The following SPATS2L variants were observed in gnomAD, a reference collection of about 807,000 sequenced individuals.
The protein encoded by SPATS2L is SPATS2-like protein.
A neutral mutation model predicts 59.6 loss-of-function variants in SPATS2L; 30 were observed. The ratio of observed to expected loss-of-function variants is 0.50; its 90% CI spans 0.38 to 0.68. The LOEUF (loss-of-function observed/expected upper bound fraction) is 0.68. Among genes scored for constraint, SPATS2L ranks in the 30% least tolerant of loss-of-function variants. SPATS2L has a pLI of 0.00. For missense variants in SPATS2L, 615 were observed against 700.0 expected (o/e 0.88, Z 1.37); for synonymous variants, 252 against 263.5 (o/e 0.96, Z 0.42).
At chr2:200,356,331 G>T (rs1374977687) in intron 2 of SPATS2L, among the ~76,000 whole-genome samples, 3 of 152,126 alleles carry the variant, frequency 2.0e-5, no homozygotes, top group African/African-American at 7.2e-5. Flanking sequence ...AAACAGATTT[G>T]TCTCACTGGC....
chr2:200,342,413 G>C (rs997573121), intron 2 of SPATS2L, among the ~76,000 whole-genome samples: 3 of 152,366 alleles, frequency 2.0e-5, no homozygotes, highest in African/African-American at 4.8e-5. Context: ...AGCTTAACAG[G>C]AGACTGGTTG....
intron 1 of SPATS2L, chr2:200,309,107 T>TA: frequency 2.8e-6 from 2 of 717,902 alleles, no homozygotes; most frequent in Non-Finnish European, 5.2e-6. Flanking sequence ...GGTAAGCTTT[T>TA]ACATCAGAAG....
At chr2:200,459,095 G>C (rs2086062088) in intron 8 of SPATS2L, among the ~76,000 whole-genome samples, 1 of 152,170 alleles carries the variant, frequency 6.6e-6, no homozygotes, top group African/African-American at 2.4e-5. Context: ...CTGGGGGTTG[G>C]GATGGGATAG....
intron 1 of SPATS2L, among the ~76,000 whole-genome samples, chr2:200,320,039 A>G (rs143022793): frequency 3.0e-4 from 45 of 152,312 alleles, no homozygotes; most frequent in African/African-American, 1.0e-3. Flanking sequence ...GTTGACCAAG[A>G]CAGGCCAAAG....
rs1559165934 is a variant in SPATS2L at position 200,472,907 on chromosome 2, C to T, written c.1136C>T (p.Ala379Val). 1.9e-6 allele frequency: 3 copies of T among 1,613,952 alleles called. No individual in the cohort carries two copies. The highest frequency in any genetic ancestry group is 2.5e-6 in the Non-Finnish European group (3 of 1,179,882). ...SLLPLLNAHA[A>V]TSGKQSNFSR... ...CTGCCTCTGCTGAATGCGCACGCAG[C>T]AACCTCTGGGAAACAGAGTAACTTT... The change falls in exon 12 of 13, where the codon GCA becomes GTA. Residue 379 changes from alanine to valine, a missense_variant. This residue lies in a region of SPATS2L where 284 missense variants were observed against 280.1 expected (regional missense o/e 1.01). Coordinates refer to ENST00000409140, the MANE Select transcript of SPATS2L (RefSeq NM_001100423.2).
intron 2 of SPATS2L, among the ~76,000 whole-genome samples, chr2:200,366,242 C>A (rs2081264625): frequency 6.6e-6 from 1 of 152,178 alleles, no homozygotes; most frequent in South Asian, 2.1e-4. Flanking sequence ...AATTATTTCA[C>A]CCCATCCACT....
chr2:200,360,576 G>C (rs1433228523), intron 2 of SPATS2L, among the ~76,000 whole-genome samples: 1 of 152,182 alleles, frequency 6.6e-6, no homozygotes, highest in Non-Finnish European at 1.5e-5. Flanking sequence ...AGAGGAAGGG[G>C]GGTTACCCTG....
intron 3 of SPATS2L, among the ~76,000 whole-genome samples, chr2:200,405,382 A>C (rs949973927): frequency 4.9e-4 from 13 of 26,268 alleles, no homozygotes; most frequent in African/African-American, 2.2e-3. Flanking sequence ...GTTTCCTGCC[A>C]AAAAAAAAAA....
chr2:200,306,563 A>G (rs1574342040), upstream of SPATS2L: 1 of 1,000,086 alleles, frequency 1.0e-6, no homozygotes, highest in Non-Finnish European at 1.2e-6. Context: ...TGTGTTTGCG[A>G]GCGGGAGCGA....
intron 3 of SPATS2L, among the ~76,000 whole-genome samples, chr2:200,394,704 G>A (rs781228564): frequency 1.3e-5 from 2 of 151,874 alleles, no homozygotes; most frequent in Admixed American, 6.5e-5. Context: ...GTAGGTTAAT[G>A]GAAATGTCAT....
At chr2:200,441,734 C>T (rs1289837627) in intron 8 of SPATS2L, among the ~76,000 whole-genome samples, 1 of 152,128 alleles carries the variant, frequency 6.6e-6, no homozygotes, top group Non-Finnish European at 1.5e-5. Flanking sequence ...TGAGAGAGGG[C>T]TTCATCTGAA....
intron 2 of SPATS2L, among the ~76,000 whole-genome samples, chr2:200,333,498 A>G (rs1270127826): frequency 1.3e-5 from 2 of 151,484 alleles, no homozygotes; most frequent in Non-Finnish European, 2.9e-5. Context: ...TTTATTTTTT[A>G]TTTTATTTTA....
intron 3 of SPATS2L, among the ~76,000 whole-genome samples, chr2:200,393,689 G>C (rs2105935088): frequency 6.6e-6 from 1 of 152,234 alleles, no homozygotes; most frequent in African/African-American, 2.4e-5. Flanking sequence ...TATACTTACT[G>C]TCTTTAGTTA....
chr2:200,434,296 C>G (rs2084133757), intron 6 of SPATS2L, among the ~76,000 whole-genome samples: 1 of 151,972 alleles, frequency 6.6e-6, no homozygotes, highest in South Asian at 2.1e-4. Flanking sequence ...CATGGAAACT[C>G]TACAGCTGTG....
At position 200,419,338 on chromosome 2, in the gene SPATS2L, T is replaced by C; in HGVS notation, c.287T>C (p.Leu96Pro). 6.2e-7 allele frequency: 1 copy of C among 1,610,474 alleles called. No homozygotes were observed. Among genetic ancestry groups the C allele is most frequent in the Non-Finnish European group, 8.5e-7 (1 of 1,178,328 alleles). The change falls in exon 6 of 13, where the codon CTG becomes CCG. Residue 96 changes from leucine to proline, a missense_variant. Leu to Pro is a moderately conservative substitution (Grantham distance 98). Transcript: ENST00000409140. The part of the protein sequence containing the change: ...DKVERPEAGP[L>P]QPQPPQIQNG... ...GTGGAGAGGCCTGAGGCAGGGCCCC[T>C]GCAGCCGCAGCCACCACAGATTCAA...
chr2:200,387,364 C>T (rs1489495780), intron 2 of SPATS2L, among the ~76,000 whole-genome samples: 1 of 152,220 alleles, frequency 6.6e-6, no homozygotes. Flanking sequence ...CGCTGCTTTA[C>T]TGGAAGCAAG....
At chr2:200,459,007 C>T (rs1367522252) in intron 8 of SPATS2L, among the ~76,000 whole-genome samples, 1 of 152,176 alleles carries the variant, frequency 6.6e-6, no homozygotes, top group Admixed American at 6.5e-5. Flanking sequence ...CTCTTCACTC[C>T]TTCCTACATA....
intron 1 of SPATS2L, chr2:200,309,110 A>G (rs2079117116): frequency 1.4e-6 from 1 of 717,738 alleles, no homozygotes; most frequent in South Asian, 1.5e-5. Flanking sequence ...AAGCTTTTAC[A>G]TCAGAAGTTA....
chr2:200,390,345 G>A (rs1315455275), intron 3 of SPATS2L: 1 of 152,286 alleles, frequency 6.6e-6, no homozygotes, highest in African/African-American at 2.4e-5. Context: ...TTTTAGGGCA[G>A]GGAAGCAGAG....
Sources: gnomAD v4.1 joint callset for allele counts (sites outside exome capture counted in the v4.1 genomes callset) on GRCh38, gnomAD v4.1.1 for gene constraint, gnomAD v4.1.1 regional missense constraint, MANE v1.5 for transcripts, NCBI Gene and HGNC (gene_info 2026-07-23, HGNC 2026-07-21) for gene names.